The following COL21A1 variants were observed in gnomAD, a reference collection of about 807,000 sequenced individuals.
The protein encoded by COL21A1 is collagen type XXI alpha 1 chain, also known as collagen alpha-1(XXI) chain.
In COL21A1, 149 loss-of-function variants were observed where a neutral mutation model predicts 137.9. The ratio of observed to expected loss-of-function variants is 1.08; its 90% CI spans 0.95 to 1.24. The LOEUF (loss-of-function observed/expected upper bound fraction) is 1.24. Ranked by LOEUF, COL21A1 falls within the 50% of genes most tolerant of loss-of-function variation. The pLI is 0.00. For missense variants in COL21A1, 1,167 were observed against 1,158.4 expected, an observed-to-expected ratio of 1.01 and a Z score of -0.11; for synonymous variants, 456 against 391.5, an observed-to-expected ratio of 1.16 and a Z score of -1.95.
chr6:56,248,592 T>C (rs1307971991), upstream of COL21A1, among the ~76,000 whole-genome samples: 4 of 152,200 alleles, frequency 2.6e-5, no homozygotes, highest in Admixed American at 1.3e-4. Context: ...CCCAGCTGTG[T>C]CCCCTGAGCC....
intron 1 of COL21A1, among the ~76,000 whole-genome samples, chr6:56,202,085 G>A (rs539848597): frequency 6.6e-5 from 10 of 151,992 alleles, no homozygotes; most frequent in African/African-American, 2.4e-4. Context: ...CCCTAATCAA[G>A]GATAGTACAG....
intron 10 of COL21A1, among the ~76,000 whole-genome samples, chr6:56,148,338 C>CAGACAGAGAGAG (rs1554145108): frequency 3.0e-5 from 4 of 133,174 alleles, no homozygotes; most frequent in African/African-American, 1.1e-4. Flanking sequence ...AGACAAGAGA[C>CAGACAGAGAGAG]AGAGAGAGAG....
chr6:56,317,839 C>G (rs2152340791), intron 1 of COL21A1, among the ~76,000 whole-genome samples: 1 of 152,230 alleles, frequency 6.6e-6, no homozygotes, highest in East Asian at 1.9e-4. Context: ...CCTACTTGAT[C>G]TCTTGGAGTA....
chr6:56,186,180 G>A (rs1214037406), intron 1 of COL21A1, among the ~76,000 whole-genome samples: 2 of 152,158 alleles, frequency 1.3e-5, no homozygotes, highest in Non-Finnish European at 2.9e-5. Context: ...TTAGAGAGAT[G>A]CAAGATTGGT....
chr6:56,373,298 T>C (rs1013361885), intron 1 of COL21A1, among the ~76,000 whole-genome samples: 10 of 152,342 alleles, frequency 6.6e-5, no homozygotes, highest in African/African-American at 2.4e-4. Flanking sequence ...TAAAAATTAA[T>C]TTTTTTATTT....
intron 12 of COL21A1, among the ~76,000 whole-genome samples, chr6:56,126,921 C>A (rs923826976): frequency 4.6e-5 from 7 of 152,110 alleles, no homozygotes; most frequent in African/African-American, 1.7e-4. Flanking sequence ...ATTATATCAT[C>A]TGTGACTGAT....
chr6:56,314,916 C>T (rs1327927561), intron 1 of COL21A1, among the ~76,000 whole-genome samples: 1 of 152,100 alleles, frequency 6.6e-6, no homozygotes, highest in African/African-American at 2.4e-5. Flanking sequence ...TCTTTGGTTC[C>T]TTGGGATTTG....
chr6:56,059,180 G>A lies in COL21A1; in HGVS notation c.2671C>T (p.Pro891Ser). 4 of 1,611,890 alleles carry A rather than the reference G, an allele frequency of 2.5e-6. No individual in the cohort carries two copies. In the South Asian group the frequency reaches 3.3e-5, roughly 13 times the overall value. ...QGFGYPGEQG[P>S]PGPPGPEGPP... ...CAATTCTCACCTGGGGGACCAGGAGGACCTTGTTCTCCAGGATACCCAAAC... is the reference window on the plus strand; with the variant it reads ...CAATTCTCACCTGGGGGACCAGGAGAACCTTGTTCTCCAGGATACCCAAAC... The change falls in exon 29 of 30, where the codon CCT becomes TCT. Residue 891 changes from proline (P) to serine (S), a missense_variant. By Grantham distance (74) the Pro-to-Ser change is moderately conservative. Coordinates refer to ENST00000244728, the MANE Select transcript of COL21A1 (RefSeq NM_030820.4).
At chr6:56,329,354 T>C (rs534223123) in intron 1 of COL21A1, among the ~76,000 whole-genome samples, 4 of 152,058 alleles carry the variant, frequency 2.6e-5, no homozygotes, top group Admixed American at 2.0e-4. Context: ...CCCAGTTGCA[T>C]GGCTGTGGGG....
intron 12 of COL21A1, among the ~76,000 whole-genome samples, chr6:56,131,601 T>C (rs535347582): frequency 5.9e-5 from 9 of 152,150 alleles, no homozygotes; most frequent in Non-Finnish European, 1.2e-4. Flanking sequence ...ATAAATCCTG[T>C]CAAGCTGGAC....
chr6:56,178,778 T>C (rs1582570004), intron 3 of COL21A1, among the ~76,000 whole-genome samples: 1 of 152,252 alleles, frequency 6.6e-6, no homozygotes, highest in African/African-American at 2.4e-5. Flanking sequence ...AGTTAGATTT[T>C]ATGAAATGAT....
intron 12 of COL21A1, among the ~76,000 whole-genome samples, chr6:56,139,329 T>C (rs1774232432): frequency 6.6e-6 from 1 of 152,176 alleles, no homozygotes; most frequent in South Asian, 2.1e-4. Flanking sequence ...TAAGTAATAC[T>C]ATGGCTTCCA....
chr6:56,286,941 T>C (rs1763927881), intron 1 of COL21A1, among the ~76,000 whole-genome samples: 1 of 152,238 alleles, frequency 6.6e-6, no homozygotes, highest in Non-Finnish European at 1.5e-5. Context: ...AGCTTTATTT[T>C]GTTACCTTCT....
At chr6:56,146,033 AC>A (rs1485392997) in intron 10 of COL21A1, among the ~76,000 whole-genome samples, 1 of 152,162 alleles carries the variant, frequency 6.6e-6, no homozygotes, top group African/African-American at 2.4e-5. Flanking sequence ...AGGGTCACCA[AC>A]TATTCTGTGC....
intron 1 of COL21A1, among the ~76,000 whole-genome samples, chr6:56,207,883 C>T (rs9475633): frequency 0.023 from 3,462 of 152,172 alleles, 120 homozygotes; most frequent in African/African-American, 0.076. Context: ...ATTCAACATA[C>T]GCAAATCAAT....
chr6:56,330,537 T>C, intron 1 of COL21A1, among the ~76,000 whole-genome samples: 1 of 151,800 alleles, frequency 6.6e-6, no homozygotes, highest in Non-Finnish European at 1.5e-5. Flanking sequence ...GATTTAGGGT[T>C]GCAAGGGCAG....
At chr6:56,084,360 G>C (rs568131155) in intron 17 of COL21A1, among the ~76,000 whole-genome samples, 1 of 151,842 alleles carries the variant, frequency 6.6e-6, no homozygotes, top group South Asian at 2.1e-4. Context: ...AGTTTCAGTG[G>C]ATCCAATTTG....
At chr6:56,132,678 T>A (rs989509779) in intron 12 of COL21A1, among the ~76,000 whole-genome samples, 1 of 152,180 alleles carries the variant, frequency 6.6e-6, no homozygotes, top group Non-Finnish European at 1.5e-5. Flanking sequence ...TTTGGCTGTG[T>A]CCCCACCCAA....
Position 56,130,165 on chromosome 6 carries a change from T to A in COL21A1, c.1543-4016A>T, listed in dbSNP as rs939663842. Among the ~76,000 whole-genome samples the A allele has an allele frequency of 8.3e-5, 9 of 107,936 alleles. No individual in the cohort carries two copies. In the East Asian group the frequency reaches 9.8e-4, roughly 12 times the overall value. The allele number at this position is 107,936 out of a possible 152,430, so 70.8% of individuals were successfully genotyped here. ...CCCTGAGAGCATTCATGACAGGGTT[T>A]TATATATATATATATATATATATAT... On this transcript the variant is annotated intron_variant, in intron 12 of 29. Transcript: ENST00000244728.
Sources: gnomAD v4.1 joint callset for allele counts (sites outside exome capture counted in the v4.1 genomes callset) on GRCh38, gnomAD v4.1.1 for gene constraint, MANE v1.5 for transcripts, NCBI Gene and HGNC (gene_info 2026-07-23, HGNC 2026-07-21) for gene names.